Variants in TMEM132C observed in about 807,000 individuals in gnomAD.
TMEM132C encodes protein phosphatase 1, regulatory subunit 152.
In TMEM132C, 29 loss-of-function variants were observed where a neutral mutation model predicts 61.4. That is an observed-to-expected ratio of 0.47 (90% CI 0.35 to 0.64). TMEM132C has a LOEUF of 0.64. TMEM132C is among the 30% of genes least tolerant of loss of function. TMEM132C has a pLI of 0.00. For missense variants in TMEM132C, 1,408 were observed against 1,476.9 expected, an observed-to-expected ratio of 0.95 and a Z score of 0.76; for synonymous variants, 656 against 633.1, an observed-to-expected ratio of 1.04 and a Z score of -0.54.
rs1555230923 is a variant in TMEM132C at position 128,541,045 on chromosome 12, C to CTG, written c.975-2906_975-2905dup. 8.1e-4 allele frequency among the ~76,000 whole-genome samples: 123 copies of CTG among 151,994 alleles called. 1 individual carries two copies. The highest frequency in any genetic ancestry group is 2.7e-3 in the African/African-American group (112 of 41,468). On this transcript the variant is annotated intron_variant, in intron 2 of 8. Transcript: ENST00000435159. ...TTTCTCTGTCTCTCTCTCTCTCTCTCTGTGTGTCTGACTGCCTGGCTTTAA... is the reference window on the plus strand; with the variant it reads ...TTTCTCTGTCTCTCTCTCTCTCTCTCTGTGTGTGTCTGACTGCCTGGCTTTAA...
intron 1 of TMEM132C, among the ~76,000 whole-genome samples, chr12:128,361,373 T>A (rs192583559): frequency 1.3e-5 from 2 of 152,262 alleles, no homozygotes. Context: ...GGCCAGAAGC[T>A]CCAAGGATGT....
chr12:128,620,336 A>T (rs181445891), intron 4 of TMEM132C, among the ~76,000 whole-genome samples: 2 of 152,122 alleles, frequency 1.3e-5, no homozygotes, highest in East Asian at 3.9e-4. Context: ...AGAGGACAGC[A>T]GTCAACAGAC....
chr12:128,676,593 A>C (rs958699521), intron 5 of TMEM132C, among the ~76,000 whole-genome samples: 4 of 152,214 alleles, frequency 2.6e-5, no homozygotes, highest in Admixed American at 6.5e-5. Flanking sequence ...TATACAGATA[A>C]TTTTTAAAGA....
intron 4 of TMEM132C, among the ~76,000 whole-genome samples, chr12:128,648,195 CCAT>C (rs1250011459): frequency 1.3e-5 from 2 of 151,840 alleles, no homozygotes; most frequent in African/African-American, 4.8e-5. Context: ...TTACTGGAGT[CCAT>C]CAGCGTTGGA....
intron 1 of TMEM132C, among the ~76,000 whole-genome samples, chr12:128,327,425 C>A (rs1454339920): frequency 6.7e-6 from 1 of 149,652 alleles, no homozygotes; most frequent in Admixed American, 6.6e-5. Flanking sequence ...CACTTTCACC[C>A]AGGCTGGAGT....
intron 1 of TMEM132C, among the ~76,000 whole-genome samples, chr12:128,411,384 A>C (rs1868541189): frequency 6.6e-6 from 1 of 152,252 alleles, no homozygotes; most frequent in African/African-American, 2.4e-5. Flanking sequence ...ATCATAAGGA[A>C]AAACTGTCGC....
intron 1 of TMEM132C, among the ~76,000 whole-genome samples, chr12:128,282,199 C>A (rs1291727483): frequency 6.6e-6 from 1 of 152,238 alleles, no homozygotes; most frequent in Non-Finnish European, 1.5e-5. Flanking sequence ...ACAAGACATT[C>A]TCTTACAAAA....
Position 128,535,463 on chromosome 12 carries a change from A to G in TMEM132C, c.975-8494A>G, listed in dbSNP as rs543198810. On this transcript the variant is annotated intron_variant, in intron 2 of 8. Transcript: ENST00000435159. ...AGACACTTCGCAAAAGAAGACATCT[A>G]TGCAGCAAACAGACACATGAAAAAA... Among the ~76,000 whole-genome samples the G allele has an allele frequency of 2.6e-5, 4 of 151,358 alleles. No homozygotes were observed. The East Asian group carries it at 7.7e-4, about 29-fold the overall frequency.
At chr12:128,386,671 T>G (rs891756005) in intron 1 of TMEM132C, among the ~76,000 whole-genome samples, 42 of 152,352 alleles carry the variant, frequency 2.8e-4, no homozygotes, top group African/African-American at 1.0e-3. Context: ...CCCATCTTCT[T>G]GATAACACTG....
intron 1 of TMEM132C, among the ~76,000 whole-genome samples, chr12:128,328,786 TA>T (rs71069557): frequency 0.024 from 2,275 of 94,212 alleles, 23 homozygotes; most frequent in African/African-American, 0.046. Context: ...GATTCTGTCT[TA>T]AAAAAAAAAA....
intron 5 of TMEM132C, among the ~76,000 whole-genome samples, chr12:128,683,903 T>G (rs1954654313): frequency 6.6e-6 from 1 of 151,816 alleles, no homozygotes; most frequent in South Asian, 2.1e-4. Flanking sequence ...AAGGCGGAGG[T>G]TGCAGTGAGC....
At chr12:128,660,312 G>A (rs115568802) in intron 4 of TMEM132C, among the ~76,000 whole-genome samples, 2,363 of 152,214 alleles carry the variant, frequency 0.016, 45 homozygotes, top group African/African-American at 0.041. Flanking sequence ...CTCAAAAATG[G>A]GATGACTTAT....
intron 2 of TMEM132C, among the ~76,000 whole-genome samples, chr12:128,514,768 C>T (rs968009992): frequency 2.0e-5 from 3 of 152,190 alleles, no homozygotes; most frequent in Admixed American, 6.5e-5. Flanking sequence ...ATTTGCCACT[C>T]ATTTGACACG....
At chr12:128,276,732 A>C (rs1275541874) in intron 1 of TMEM132C, among the ~76,000 whole-genome samples, 3 of 152,144 alleles carry the variant, frequency 2.0e-5, no homozygotes, top group Admixed American at 1.3e-4. Flanking sequence ...GCGGACCCAG[A>C]TGCTGTAGAA....
At chr12:128,332,122 G>A (rs999254371) in intron 1 of TMEM132C, among the ~76,000 whole-genome samples, 2 of 152,146 alleles carry the variant, frequency 1.3e-5, no homozygotes, top group Non-Finnish European at 2.9e-5. Flanking sequence ...GGCATGTATG[G>A]TATTTTGTTT....
chr12:128,326,209 G>A lies in TMEM132C; in HGVS notation c.85+58722G>A, dbSNP rs1407958862. On this transcript the variant is annotated intron_variant, in intron 1 of 8. Coordinates refer to ENST00000435159, the MANE Select transcript of TMEM132C (RefSeq NM_001136103.3). The surrounding 1 kb of genome is among the most constrained non-coding windows in gnomAD (Gnocchi z 5.6). Reference sequence around the variant, plus strand: ...CAATTATTTATCAAATTGCAAAAGAGGCAGTAAGACAAAAATCTGTCTTGG... The same window carrying A: ...CAATTATTTATCAAATTGCAAAAGAAGCAGTAAGACAAAAATCTGTCTTGG... Among the ~76,000 whole-genome samples, 2 of 152,122 alleles carry A rather than the reference G, an allele frequency of 1.3e-5. No individual in the cohort carries two copies. The highest frequency in any genetic ancestry group is 2.9e-5 in the Non-Finnish European group (2 of 68,026).
chr12:128,605,517 G>A (rs1876391069), intron 3 of TMEM132C, among the ~76,000 whole-genome samples: 1 of 152,198 alleles, frequency 6.6e-6, no homozygotes, highest in African/African-American at 2.4e-5. Context: ...TTGCCCAAAT[G>A]TCTGGGCATC....
rs1475106014 is a variant in TMEM132C, at chr12:128,326,744, A to T, written c.85+59257A>T. 2.0e-5 allele frequency among the ~76,000 whole-genome samples: 3 copies of T among 151,266 alleles called. No individual in the cohort carries two copies. The highest frequency in any genetic ancestry group is 7.4e-5 in the African/African-American group (3 of 40,538). On this transcript the variant is annotated intron_variant, in intron 1 of 8. Transcript: ENST00000435159. The surrounding 1 kb of genome is among the most constrained non-coding windows in gnomAD (Gnocchi z 5.6). ...GAAGGTAAGAGGCAGAGAAGTTTCGAGATTCATCAGATGTCTTTATGGCTC... is the reference window on the plus strand; with the variant it reads ...GAAGGTAAGAGGCAGAGAAGTTTCGTGATTCATCAGATGTCTTTATGGCTC...
chr12:128,460,850 G>A (rs1222005539), intron 2 of TMEM132C, among the ~76,000 whole-genome samples: 4 of 152,074 alleles, frequency 2.6e-5, no homozygotes, highest in Admixed American at 1.3e-4. Flanking sequence ...TCAGCAGCTG[G>A]GTGGGGGGAA....
Sources: gnomAD v4.1 joint callset for allele counts (sites outside exome capture counted in the v4.1 genomes callset) on GRCh38, gnomAD v4.1.1 for gene constraint, Gnocchi (gnomAD v3.1) non-coding constraint, MANE v1.5 for transcripts, NCBI Gene and HGNC (gene_info 2026-07-23, HGNC 2026-07-21) for gene names.